TASP1: variants seen among roughly 807,000 people sequenced by gnomAD.
TASP1 encodes the protein threonine aspartase 1.
In TASP1, 16 loss-of-function variants were observed where a neutral mutation model predicts 56.6. That is an observed-to-expected ratio of 0.28 (90% CI 0.19 to 0.43). TASP1 has a LOEUF of 0.43. Ranked by LOEUF, TASP1 falls within the 20% of genes least tolerant of loss-of-function variation. The pLI is 1.00. For synonymous variants in TASP1, 179 were observed against 184.2 expected, an observed-to-expected ratio of 0.97 and a Z score of 0.23; for missense variants, 393 against 511.6, an observed-to-expected ratio of 0.77 and a Z score of 2.24.
At chr20:13,494,537 T>C (rs1378007157) in intron 10 of TASP1, among the ~76,000 whole-genome samples, 2 of 152,186 alleles carry the variant, frequency 1.3e-5, no homozygotes, top group Non-Finnish European at 2.9e-5. Context: ...TCAACTACTG[T>C]ATATCTGGGG....
chr20:13,538,465 C>T (rs183704300), intron 8 of TASP1, among the ~76,000 whole-genome samples: 2 of 152,196 alleles, frequency 1.3e-5, no homozygotes, highest in African/African-American at 4.8e-5. Context: ...GACACAAATG[C>T]ATTCTTTGAA....
the TASP1 span, among the ~76,000 whole-genome samples, chr20:13,364,646 AT>A: frequency 6.6e-6 from 1 of 152,094 alleles, no homozygotes; most frequent in Admixed American, 6.6e-5. Context: ...GACCCCCGAG[AT>A]GGGTCAACTT....
At chr20:13,400,154 G>C (rs375041585) in intron 13 of TASP1, among the ~76,000 whole-genome samples, 2 of 152,146 alleles carry the variant, frequency 1.3e-5, no homozygotes, top group East Asian at 3.8e-4. Context: ...AAGTCCTCAA[G>C]TACAGGGATT....
rs561948137 is a variant in TASP1 at position 13,393,335 on chromosome 20, C to T, written c.1171-2883G>A. 9.9e-4 allele frequency: 752 copies of T among 758,620 alleles called. 1 individual carries two copies. The highest frequency in any genetic ancestry group is 4.2e-3 in the Middle Eastern group (11 of 2,612). The allele number at this position is 758,620 out of a possible 1,614,324, so 47.0% of individuals were successfully genotyped here. A position where few individuals can be genotyped will look rare whatever the true frequency, so the allele number is the denominator to read the frequency against. Reference sequence around the variant, plus strand: ...CTGCCAAGGCTGTGGGCAAGGTCATCCCCGAGCTGAACAGGAAGCTCAATG... The same window carrying T: ...CTGCCAAGGCTGTGGGCAAGGTCATTCCCGAGCTGAACAGGAAGCTCAATG... On this transcript the variant is annotated intron_variant, in intron 13 of 13. Coordinates refer to ENST00000337743, the MANE Select transcript of TASP1 (RefSeq NM_017714.3).
At chr20:13,356,547 T>C in the TASP1 span, among the ~76,000 whole-genome samples, 1 of 152,192 alleles carries the variant, frequency 6.6e-6, no homozygotes, top group Non-Finnish European at 1.5e-5. Context: ...CCAGAAAATC[T>C]ATTTTTTTCA....
the TASP1 span, among the ~76,000 whole-genome samples, chr20:13,205,997 G>C: frequency 6.5e-4 from 99 of 152,330 alleles, no homozygotes; most frequent in Middle Eastern, 3.4e-3. Flanking sequence ...CTCCATCACC[G>C]GGTGCAGGTC....
At chr20:13,323,940 G>A in the TASP1 span, among the ~76,000 whole-genome samples, 1 of 152,164 alleles carries the variant, frequency 6.6e-6, no homozygotes, top group Admixed American at 6.5e-5. Context: ...TCTTTCTTGT[G>A]AGTCTTTCTG....
intron 10 of TASP1, among the ~76,000 whole-genome samples, chr20:13,521,314 C>T (rs1247535681): frequency 1.3e-5 from 2 of 152,294 alleles, no homozygotes; most frequent in East Asian, 1.9e-4. Flanking sequence ...GCTATAAAGA[C>T]ACATGCACAC....
In TASP1 at chr20:13,587,266, T is replaced by C. The variant is rs548966462; in HGVS notation, c.387A>G (p.Ala129=). The change falls in exon 5 of 14, where the codon GCA becomes GCG. Residue 129 remains alanine, a synonymous_variant. Coordinates refer to ENST00000337743, the MANE Select transcript of TASP1 (RefSeq NM_017714.3). ...IMDGKSLNFG[A]VGALSGIKNP... ...CCCACATACCACTCAGTGCTCCAAC[T>C]GCTCCAAAATTTAAGGATTTTCCAT... is the stretch of plus-strand genomic sequence containing the variant. 3 of 1,612,574 alleles carry C rather than the reference T, an allele frequency of 1.9e-6. No individual in the cohort carries two copies. The African/African-American group carries it at 4.0e-5, about 22-fold the overall frequency.
chr20:13,298,785 C>T, the TASP1 span, among the ~76,000 whole-genome samples: 1 of 152,128 alleles, frequency 6.6e-6, no homozygotes, highest in Non-Finnish European at 1.5e-5. Flanking sequence ...GCAGGGGTGT[C>T]TGGCTCTAGG....
intron 11 of TASP1, among the ~76,000 whole-genome samples, chr20:13,482,005 C>G (rs2043156400): frequency 6.6e-6 from 1 of 152,146 alleles, no homozygotes; most frequent in Non-Finnish European, 1.5e-5. Context: ...GACCAATGTC[C>G]TAGAGATTTT....
At chr20:13,223,684 A>G in the TASP1 span, among the ~76,000 whole-genome samples, 7 of 152,220 alleles carry the variant, frequency 4.6e-5, no homozygotes, top group African/African-American at 9.6e-5. Flanking sequence ...CCGTGGGTAG[A>G]TAAGTACAGT....
the TASP1 span, chr20:13,154,094 T>C: frequency 5.0e-6 from 8 of 1,614,060 alleles, no homozygotes; most frequent in East Asian, 2.2e-5. Flanking sequence ...GCAATGAGAA[T>C]GCTTCTGTTG....
At chr20:13,508,731 T>C (rs556930062) in intron 10 of TASP1, among the ~76,000 whole-genome samples, 1 of 152,308 alleles carries the variant, frequency 6.6e-6, no homozygotes, top group East Asian at 1.9e-4. Flanking sequence ...TAGGTAGTTA[T>C]ATGAAAAGTT....
chr20:13,153,920 TA>T, the TASP1 span: 1 of 1,562,320 alleles, frequency 6.4e-7, no homozygotes, highest in East Asian at 2.2e-5. Context: ...CAGAAAGACT[TA>T]AAGATGCTTG....
chr20:13,133,688 A>G, the TASP1 span, among the ~76,000 whole-genome samples: 3 of 152,072 alleles, frequency 2.0e-5, no homozygotes, highest in Non-Finnish European at 4.4e-5. Context: ...GAGCTGAGTT[A>G]AGGGGTAGCA....
At chr20:13,228,502 A>G in the TASP1 span, among the ~76,000 whole-genome samples, 1 of 152,308 alleles carries the variant, frequency 6.6e-6, no homozygotes, top group South Asian at 2.1e-4. Flanking sequence ...ATACCATCTC[A>G]TATTTCAGAT....
At chr20:13,520,573 T>C (rs2044709904) in intron 10 of TASP1, among the ~76,000 whole-genome samples, 4 of 152,172 alleles carry the variant, frequency 2.6e-5, no homozygotes, top group Admixed American at 2.6e-4. Context: ...TAGCCGTATG[T>C]AGAAGGCTGA....
rs181691920 is a variant in TASP1, at chr20:13,495,618, T to C, written c.875-12281A>G. Among the ~76,000 whole-genome samples, 549 of 152,144 alleles carry C rather than the reference T, an allele frequency of 3.6e-3. 5 individuals are homozygous for C. Among genetic ancestry groups the C allele is most frequent in the Non-Finnish European group, 3.6e-3 (244 of 67,974 alleles). On this transcript the variant is annotated intron_variant, in intron 10 of 13. Transcript: ENST00000337743. ...CAGATAAAAGAAGAAAGGGGCAAAATACAGGAAGGCCACCTCAAATGAGTT... is the reference window on the plus strand; with the variant it reads ...CAGATAAAAGAAGAAAGGGGCAAAACACAGGAAGGCCACCTCAAATGAGTT...
Sources: gnomAD v4.1 joint callset for allele counts (sites outside exome capture counted in the v4.1 genomes callset) on GRCh38, gnomAD v4.1.1 for gene constraint, MANE v1.5 for transcripts, NCBI Gene and HGNC (gene_info 2026-07-23, HGNC 2026-07-21) for gene names.